Variants in ELF4 observed in about 807,000 individuals in gnomAD.
ELF4 encodes E74 like ETS transcription factor 4.
Under a neutral mutation model 31.7 loss-of-function variants are expected in ELF4, and 10 were observed. The ratio of observed to expected loss-of-function variants is 0.32; its 90% CI spans 0.19 to 0.54. The LOEUF is 0.54. Ranked by LOEUF, ELF4 falls within the 20% of genes least tolerant of loss-of-function variation. ELF4 has a pLI of 0.95. For synonymous variants in ELF4, 208 were observed against 226.7 expected (o/e 0.92, Z 0.74); for missense variants, 418 against 522.0 (o/e 0.80, Z 1.94).
At chrX:130,108,284 G>C (rs770051332) in intron 1 of ELF4, among the ~76,000 whole-genome samples, 2 of 110,796 alleles carry the variant, frequency 1.8e-5, no homozygotes, top group Non-Finnish European at 3.8e-5. Context: ...ACTCCAGCCT[G>C]GGTGACAAAG....
intron 1 of ELF4, among the ~76,000 whole-genome samples, chrX:130,107,384 A>G (rs1569411583): frequency 8.9e-6 from 1 of 112,050 alleles, no homozygotes; most frequent in Non-Finnish European, 1.9e-5. Flanking sequence ...AGGTGCATCT[A>G]GACCAGAATC....
At chrX:130,093,380 A>G (rs1933092821) in intron 1 of ELF4, among the ~76,000 whole-genome samples, 1 of 111,617 alleles carries the variant, frequency 9.0e-6, no homozygotes, top group Non-Finnish European at 1.9e-5. Flanking sequence ...GGTCAACTGT[A>G]TTATATCACA....
intron 1 of ELF4, among the ~76,000 whole-genome samples, chrX:130,104,391 C>T (rs1472583148): frequency 2.7e-5 from 3 of 110,330 alleles, no homozygotes; most frequent in Non-Finnish European, 3.8e-5. Context: ...TGGAAAATCT[C>T]CCGCTTAGTT....
intron 1 of ELF4, among the ~76,000 whole-genome samples, chrX:130,087,507 G>A (rs1932979131): frequency 8.9e-6 from 1 of 112,811 alleles, no homozygotes; most frequent in African/African-American, 3.2e-5. Context: ...TTGAGACGGA[G>A]TCTCACTCTG....
At chrX:130,077,948 C>T (rs1458979417) in intron 2 of ELF4, among the ~76,000 whole-genome samples, 1 of 111,634 alleles carries the variant, frequency 9.0e-6, no homozygotes, top group Non-Finnish European at 1.9e-5. Context: ...ATTTATGCAC[C>T]CTTTTGCATG....
chrX:130,092,530 ACCACAAACCCTCT>A (rs771137855), intron 1 of ELF4, among the ~76,000 whole-genome samples: 11 of 112,494 alleles, frequency 9.8e-5, no homozygotes, highest in East Asian at 5.6e-4. Context: ...CTCTCTTGCT[ACCACAAACCCTCT>A]CCACAAACCC....
chrX:130,096,158 T>G (rs1457553937), intron 1 of ELF4, among the ~76,000 whole-genome samples: 1 of 110,634 alleles, frequency 9.0e-6, no homozygotes, highest in Non-Finnish European at 1.9e-5. Flanking sequence ...CTTTTGGGGG[T>G]GATGAAAATG....
At position 130,069,332 on chromosome X, in the gene ELF4, T is replaced by C. The variant is rs1190177559; in HGVS notation, c.1155A>G (p.Ala385=). The C allele has an allele frequency of 2.3e-5, 28 of 1,210,890 alleles. No homozygotes were observed. Among genetic ancestry groups the C allele is most frequent in the Non-Finnish European group, 2.7e-5 (24 of 895,421 alleles). ...CTTTGGTGAGCTTGACCTGGCCCTC[T>C]GCTGGAGAGACGAGCATGGTGGAGG... The part of the protein sequence containing the change: ...PTTSTMLVSP[A]EGQVKLTKAV... Residue 385 remains alanine, a synonymous_variant, in exon 8 of 9, where the codon GCA becomes GCG. Coordinates refer to ENST00000308167, the MANE Select transcript of ELF4 (RefSeq NM_001421.4).
At chrX:130,105,649 A>G (rs776812198) in intron 1 of ELF4, among the ~76,000 whole-genome samples, 1 of 111,468 alleles carries the variant, frequency 9.0e-6, no homozygotes, top group Admixed American at 9.5e-5. Flanking sequence ...TACATTCTTC[A>G]TTTCCCAGAT....
At chrX:130,107,579 C>T (rs769249877) in intron 1 of ELF4, among the ~76,000 whole-genome samples, 2 of 112,173 alleles carry the variant, frequency 1.8e-5, no homozygotes, top group Non-Finnish European at 3.8e-5. Context: ...CACACAATCC[C>T]GGAAGGCAGG....
chrX:130,072,532 C>T, intron 4 of ELF4, 115 bp from the exon 5 acceptor site: 1 of 739,488 alleles, frequency 1.4e-6, no homozygotes, highest in East Asian at 3.2e-5. Flanking sequence ...TCCCCCCAGC[C>T]CCAGACACAG....
chrX:130,084,288 A>G (rs991555236), intron 1 of ELF4, among the ~76,000 whole-genome samples: 4 of 112,330 alleles, frequency 3.6e-5, no homozygotes, highest in Non-Finnish European at 5.6e-5. Flanking sequence ...GCTGTGCTGA[A>G]GATGGGGGTG....
chrX:130,097,438 AAAAAG>A (rs976657178), intron 1 of ELF4, among the ~76,000 whole-genome samples: 11 of 111,303 alleles, frequency 9.9e-5, no homozygotes, highest in African/African-American at 3.3e-4. Context: ...CTGTCTCAAA[AAAAAG>A]AAAAGAAAAG....
At chrX:130,072,604 GTGGGCACAAGC>G (rs1932798776) in intron 4 of ELF4, among the ~76,000 whole-genome samples, 187 bp from the exon 5 acceptor site, 1 of 112,541 alleles carries the variant, frequency 8.9e-6, no homozygotes, top group Non-Finnish European at 1.9e-5. Context: ...CTGCAGAGCT[GTGGGCACAAGC>G]TGGCCCCAAT....
At chrX:130,108,693 C>T (rs962703213) in intron 1 of ELF4, among the ~76,000 whole-genome samples, 2 of 110,990 alleles carry the variant, frequency 1.8e-5, no homozygotes, top group Non-Finnish European at 3.8e-5. Context: ...TCCTGAGCAA[C>T]CACCGAGCAA....
Position 130,067,418 on chromosome X carries a change from G to A in ELF4, c.1295C>T (p.Pro432Leu). Reference protein sequence around the residue: ...IPLTTVLTNGPPASTTAPTQL... With the variant: ...IPLTTVLTNGLPASTTAPTQL... The stretch of plus-strand genomic sequence containing the variant: ...AGTGGGAGCAGTAGTACTGGCAGGA[G>A]GCCCATTGGTCAGCACCGTGGTCAG... Residue 432 changes from proline to leucine, a missense_variant, in exon 9 of 9, where the codon CCT (proline) becomes CTT (leucine). Around this residue, in one of 4 missense-constraint regions of ELF4, gnomAD observed 260 missense variants for 269.2 expected, o/e 0.97. Transcript: ENST00000308167. The A allele has an allele frequency of 8.2e-7, 1 of 1,212,229 alleles. No individual in the cohort carries two copies.
chrX:130,079,409 G>T (rs1314354294), intron 2 of ELF4, among the ~76,000 whole-genome samples: 3 of 111,344 alleles, frequency 2.7e-5, no homozygotes, highest in Non-Finnish European at 3.8e-5. Context: ...AGCGAACCCA[G>T]ATTGTGCTAC....
At chrX:130,096,180 T>G (rs1445956530) in intron 1 of ELF4, among the ~76,000 whole-genome samples, 11 of 110,864 alleles carry the variant, frequency 9.9e-5, no homozygotes, top group Non-Finnish European at 1.5e-4. Context: ...TTTGGGTTTT[T>G]TTTTGTTTTG....
chrX:130,093,390 A>G (rs1933092954), intron 1 of ELF4, among the ~76,000 whole-genome samples: 1 of 111,840 alleles, frequency 8.9e-6, no homozygotes, highest in Non-Finnish European at 1.9e-5. Context: ...ATTATATCAC[A>G]TATGGGTCAA....
Sources: allele counts gnomAD v4.1 joint callset (sites outside exome capture counted in the v4.1 genomes callset), GRCh38; gene constraint gnomAD v4.1.1; regional missense constraint gnomAD v4.1.1; transcripts MANE v1.5; gene names NCBI Gene and HGNC (gene_info 2026-07-23, HGNC 2026-07-21).